SV2C: variants seen among roughly 807,000 people sequenced by gnomAD.
SV2C encodes solute carrier family 22 member B3.
Under a neutral mutation model 79.7 loss-of-function variants are expected in SV2C, and 49 were observed. The observed-to-expected ratio is 0.61, with a 90% CI of 0.49 to 0.78. SV2C has a LOEUF of 0.78. Among genes scored for constraint, SV2C ranks in the 30% least tolerant of loss-of-function variants. SV2C has a pLI of 0.00. For synonymous variants in SV2C, 334 were observed against 333.2 expected, an observed-to-expected ratio of 1.00 and a Z score of -0.03; for missense variants, 833 against 912.9, an observed-to-expected ratio of 0.91 and a Z score of 1.13.
chr5:76,007,336 GCAAA>G, the SV2C span, among the ~76,000 whole-genome samples: 1 of 151,978 alleles, frequency 6.6e-6, no homozygotes, highest in African/African-American at 2.4e-5. Flanking sequence ...GCATTTGAAC[GCAAA>G]CAGACTTCGC....
the SV2C span, among the ~76,000 whole-genome samples, chr5:76,052,221 A>G: frequency 6.6e-6 from 1 of 152,170 alleles, no homozygotes; most frequent in Admixed American, 6.6e-5. Context: ...TCATTTTTCT[A>G]AAACATTAGA....
the SV2C span, among the ~76,000 whole-genome samples, chr5:75,851,429 A>C: frequency 6.6e-6 from 1 of 152,196 alleles, no homozygotes; most frequent in East Asian, 1.9e-4. Context: ...CGGTGTAGGC[A>C]GTTCTACTTC....
intron 4 of SV2C, among the ~76,000 whole-genome samples, chr5:76,278,324 A>G (rs1014424649): frequency 6.6e-6 from 1 of 152,138 alleles, no homozygotes; most frequent in Non-Finnish European, 1.5e-5. Flanking sequence ...GAATATGACA[A>G]CTTCAGATAG....
chr5:76,321,085 G>A (rs1748812281), intron 12 of SV2C, among the ~76,000 whole-genome samples: 2 of 152,198 alleles, frequency 1.3e-5, no homozygotes, highest in South Asian at 4.1e-4. Context: ...GGTGCAGAAA[G>A]GAGGATGGTT....
At chr5:76,345,430 G>A (rs1749520826) in intron 12 of SV2C, among the ~76,000 whole-genome samples, 1 of 152,168 alleles carries the variant, frequency 6.6e-6, no homozygotes, top group African/African-American at 2.4e-5. Context: ...AGACAGACAA[G>A]TAAATAGGCA....
At chr5:76,016,574 T>C in the SV2C span, among the ~76,000 whole-genome samples, 2 of 152,228 alleles carry the variant, frequency 1.3e-5, no homozygotes, top group Admixed American at 1.3e-4. Context: ...TATTTATCCT[T>C]CCTGAGGCTG....
At chr5:75,982,111 G>A in the SV2C span, among the ~76,000 whole-genome samples, 4 of 149,726 alleles carry the variant, frequency 2.7e-5, no homozygotes, top group African/African-American at 4.9e-5. Context: ...GGATAGCATC[G>A]GGAGATATAC....
the SV2C span, among the ~76,000 whole-genome samples, chr5:75,849,444 T>A: frequency 3.3e-5 from 5 of 152,284 alleles, no homozygotes; most frequent in Non-Finnish European, 7.4e-5. Flanking sequence ...CCTTTATATT[T>A]AAAAAAAGAC....
rs41467653 is a variant in SV2C, at chr5:76,139,735, A to G, written c.580+7405A>G. ...ACATCTGCAATATTAGCTAGAGTCA[A>G]TTGGTATACTGGACGAAAACAGAGC... On this transcript the variant is annotated intron_variant, in intron 2 of 12. Transcript: ENST00000502798. Among the ~76,000 whole-genome samples the G allele has an allele frequency of 5.1e-3, 781 of 152,278 alleles. 3 individuals are homozygous for G. Among genetic ancestry groups the G allele is most frequent in the African/African-American group, 0.017 (726 of 41,544 alleles).
chr5:75,971,762 A>G, the SV2C span, among the ~76,000 whole-genome samples: 5 of 152,146 alleles, frequency 3.3e-5, no homozygotes, highest in Non-Finnish European at 5.9e-5. Context: ...AAGGTAAATT[A>G]TAGGTTCAAT....
chr5:76,171,590 C>T (rs1226050056), intron 2 of SV2C, among the ~76,000 whole-genome samples: 1 of 145,380 alleles, frequency 6.9e-6, no homozygotes, highest in East Asian at 2.0e-4. Flanking sequence ...CGGGCAGCCA[C>T]CCCGTCCAGG....
At chr5:75,955,755 CA>C in the SV2C span, among the ~76,000 whole-genome samples, 1 of 149,702 alleles carries the variant, frequency 6.7e-6, no homozygotes, top group Non-Finnish European at 1.5e-5. Context: ...AGACACTTCT[CA>C]AAAGAAGACA....
rs909330827 is a variant in SV2C at position 76,328,574 on chromosome 5, A to T, written c.*3027A>T. The T allele has an allele frequency of 5.3e-5, 8 of 152,202 alleles. No homozygotes were observed. Among genetic ancestry groups the T allele is most frequent in the Admixed American group, 3.3e-4 (5 of 15,268 alleles). 9.4% of individuals were successfully genotyped at this position (152,202 alleles called of 1,614,324 possible). The stretch of plus-strand genomic sequence containing the variant: ...CTTGGAGACGCGATAGATGGGTCCT[A>T]GCCTGACCTTCACCACTAAGCGGTA... On this transcript the variant is annotated 3_prime_UTR_variant, in exon 13 of 13. Coordinates refer to ENST00000502798, the MANE Select transcript of SV2C (RefSeq NM_014979.4).
chr5:76,018,970 T>C, the SV2C span, among the ~76,000 whole-genome samples: 11 of 152,238 alleles, frequency 7.2e-5, no homozygotes, highest in Non-Finnish European at 1.2e-4. Context: ...GAGGCTCTTA[T>C]GGATTTCCAA....
intron 4 of SV2C, among the ~76,000 whole-genome samples, chr5:76,262,037 A>G (rs1327352788): frequency 1.3e-5 from 2 of 151,954 alleles, no homozygotes; most frequent in Non-Finnish European, 2.9e-5. Flanking sequence ...TCCTCTTTGT[A>G]CCTCTGATAG....
chr5:76,179,145 A>G (rs1743638059), intron 2 of SV2C, among the ~76,000 whole-genome samples: 2 of 152,216 alleles, frequency 1.3e-5, no homozygotes, highest in Non-Finnish European at 2.9e-5. Flanking sequence ...CACGCAAACT[A>G]TAGTAGTCTG....
the SV2C span, among the ~76,000 whole-genome samples, chr5:75,848,458 C>CA: frequency 4.6e-5 from 7 of 152,170 alleles, no homozygotes; most frequent in African/African-American, 1.7e-4. Flanking sequence ...TGAAGGAAGA[C>CA]AGAACATTCA....
intron 12 of SV2C, among the ~76,000 whole-genome samples, chr5:76,352,940 CTTTTT>C (rs556688242): frequency 2.9e-5 from 4 of 136,538 alleles, no homozygotes; most frequent in Non-Finnish European, 4.7e-5. Context: ...ATTTTTACCT[CTTTTT>C]TTTTTTTTTT....
the SV2C span, among the ~76,000 whole-genome samples, chr5:76,054,307 T>C: frequency 3.3e-5 from 5 of 152,332 alleles, no homozygotes; most frequent in East Asian, 7.7e-4. Context: ...TCCATGTCCC[T>C]GCAAAGGACA....
Sources: gnomAD v4.1 joint callset for allele counts (sites outside exome capture counted in the v4.1 genomes callset) on GRCh38, gnomAD v4.1.1 for gene constraint, MANE v1.5 for transcripts, NCBI Gene and HGNC (gene_info 2026-07-23, HGNC 2026-07-21) for gene names.